MAPKAPK2: variants seen among roughly 807,000 people sequenced by gnomAD.
MAPKAPK2 encodes MAP kinase-activated protein kinase 2.
A neutral mutation model predicts 48.8 loss-of-function variants in MAPKAPK2; 9 were observed. The ratio of observed to expected loss-of-function variants is 0.18; its 90% confidence interval spans 0.11 to 0.32. The LOEUF is 0.32. Ranked by LOEUF, MAPKAPK2 falls within the 10% of genes least tolerant of loss-of-function variation. The pLI, the probability that MAPKAPK2 is intolerant of heterozygous loss-of-function variation, is 1.00. For synonymous variants in MAPKAPK2, 202 were observed against 190.6 expected (o/e 1.06, Z -0.49); for missense variants, 331 against 498.3 (o/e 0.66, Z 3.20).
At chr1:206,687,116 C>A (rs1309901108) in intron 1 of MAPKAPK2, among the ~76,000 whole-genome samples, 4 of 152,132 alleles carry the variant, frequency 2.6e-5, no homozygotes, top group Admixed American at 6.5e-5. Flanking sequence ...TGTTTGCTGT[C>A]CCCTCTGAGA....
chr1:206,689,985 C>T (rs1672406293), intron 1 of MAPKAPK2, among the ~76,000 whole-genome samples: 1 of 152,046 alleles, frequency 6.6e-6, no homozygotes, highest in Non-Finnish European at 1.5e-5. Context: ...CAGCTGGGGT[C>T]AGTGGGACAT....
At chr1:206,695,198 T>C (rs1182166440) in intron 1 of MAPKAPK2, among the ~76,000 whole-genome samples, 8 of 152,106 alleles carry the variant, frequency 5.3e-5, no homozygotes, top group Non-Finnish European at 8.8e-5. Flanking sequence ...AGGTTTGAGG[T>C]GTAACCAGAG....
At chr1:206,686,029 C>G (rs1465229800) in intron 1 of MAPKAPK2, among the ~76,000 whole-genome samples, 25 of 152,132 alleles carry the variant, frequency 1.6e-4, no homozygotes, top group African/African-American at 5.8e-4. Context: ...TTCCCCGAGC[C>G]TCGCGAGGGC....
intron 1 of MAPKAPK2, among the ~76,000 whole-genome samples, chr1:206,695,110 C>A (rs1672574428): frequency 1.3e-5 from 2 of 152,110 alleles, no homozygotes; most frequent in African/African-American, 4.8e-5. Context: ...TGCCCCCTCT[C>A]CTGGGTCTCA....
At chr1:206,714,661 A>G (rs1418244422) in intron 1 of MAPKAPK2, among the ~76,000 whole-genome samples, 1 of 148,106 alleles carries the variant, frequency 6.8e-6, no homozygotes, top group Non-Finnish European at 1.5e-5. Flanking sequence ...GCCACTCGGG[A>G]GGCTGAGGTG....
intron 1 of MAPKAPK2, among the ~76,000 whole-genome samples, chr1:206,689,406 C>T (rs1282405650): frequency 6.6e-6 from 1 of 152,196 alleles, no homozygotes; most frequent in African/African-American, 2.4e-5. Flanking sequence ...CAACACACCT[C>T]ATACTGTGTA....
intron 1 of MAPKAPK2, among the ~76,000 whole-genome samples, chr1:206,721,433 A>G (rs1292500356): frequency 6.6e-6 from 1 of 152,234 alleles, no homozygotes; most frequent in Non-Finnish European, 1.5e-5. Context: ...CTTGAGATGT[A>G]TATTTTCTTA....
chr1:206,714,007 G>C (rs1205040432), intron 1 of MAPKAPK2, among the ~76,000 whole-genome samples: 1 of 152,304 alleles, frequency 6.6e-6, no homozygotes, highest in Admixed American at 6.5e-5. Context: ...AGAGTCTGAG[G>C]ATGAGTACTC....
chr1:206,708,221 G>C (rs566852593), intron 1 of MAPKAPK2, among the ~76,000 whole-genome samples: 2 of 152,334 alleles, frequency 1.3e-5, no homozygotes, highest in East Asian at 1.9e-4. Context: ...GCAGGCCCCT[G>C]TGTTGGCTGA....
chr1:206,731,174 C>A lies in MAPKAPK2; in HGVS notation c.804C>A (p.Gly268=), dbSNP rs782428492. ...CGYPPFYSNH[G]LAISPGMKTR... ...ATCCCCCCTTCTACTCCAACCACGGCCTTGCCATCTCTCCGGGCATGAAGA... is the reference window on the plus strand; with the variant it reads ...ATCCCCCCTTCTACTCCAACCACGGACTTGCCATCTCTCCGGGCATGAAGA... The change falls in exon 7 of 10, where the codon GGC becomes GGA. Residue 268 remains glycine, a synonymous_variant. Coordinates refer to ENST00000367103, the MANE Select transcript of MAPKAPK2 (RefSeq NM_032960.4). This position sits in a 1 kb window ranked among gnomAD's most constrained non-coding sequence, Gnocchi z 5.9. 39 of 1,614,072 alleles carry A rather than the reference C, an allele frequency of 2.4e-5. No homozygotes were observed. Among genetic ancestry groups the A allele is most frequent in the Middle Eastern group, 1.6e-4 (1 of 6,084 alleles).
Position 206,732,003 on chromosome 1 carries a change from T to G in MAPKAPK2, c.1059+84T>G. 6.2e-7 allele frequency: 1 copy of G among 1,613,986 alleles called. No individual in the cohort carries two copies. The highest frequency in any genetic ancestry group is 8.5e-7 in the Non-Finnish European group (1 of 1,179,970). On this transcript the variant is annotated intron_variant, in intron 9 of 9. Transcript: ENST00000367103. The surrounding 1 kb of genome is among the most constrained non-coding windows in gnomAD (Gnocchi z 4.4). ...GCCCAGGTGTGAGGCGTGGTGCTGG[T>G]AGGGGAGAGCTTGATTCTGCCTCTC...
chr1:206,700,489 T>C (rs1469534695), intron 1 of MAPKAPK2, among the ~76,000 whole-genome samples: 1 of 152,080 alleles, frequency 6.6e-6, no homozygotes, highest in Non-Finnish European at 1.5e-5. Flanking sequence ...GTAGGTTCAG[T>C]GTGTGTCTGT....
intron 1 of MAPKAPK2, among the ~76,000 whole-genome samples, chr1:206,689,142 A>G (rs1672375881): frequency 6.6e-6 from 1 of 152,214 alleles, no homozygotes; most frequent in African/African-American, 2.4e-5. Flanking sequence ...TTTATAAAAT[A>G]TAGAATGTTG....
At chr1:206,698,263 C>T (rs1220448214) in intron 1 of MAPKAPK2, among the ~76,000 whole-genome samples, 2 of 152,232 alleles carry the variant, frequency 1.3e-5, no homozygotes, top group Non-Finnish European at 2.9e-5. Flanking sequence ...AATGGCAGAA[C>T]AGTCAAGGGT....
chr1:206,719,606 C>T (rs1454096927), intron 1 of MAPKAPK2, among the ~76,000 whole-genome samples: 8 of 152,226 alleles, frequency 5.3e-5, no homozygotes, highest in African/African-American at 1.9e-4. Flanking sequence ...GGAGAACCAT[C>T]GTCACTCCTC....
At chr1:206,710,906 C>G (rs1673121945) in intron 1 of MAPKAPK2, among the ~76,000 whole-genome samples, 2 of 152,188 alleles carry the variant, frequency 1.3e-5, no homozygotes, top group Admixed American at 1.3e-4. Flanking sequence ...CTCAGTGACT[C>G]TAATGTTTTA....
chr1:206,701,617 TGAGCCCAGGAGTTC>T (rs1672796301), intron 1 of MAPKAPK2, among the ~76,000 whole-genome samples: 2 of 152,034 alleles, frequency 1.3e-5, no homozygotes, highest in African/African-American at 4.8e-5. Flanking sequence ...GCAAATTGCT[TGAGCCCAGGAGTTC>T]GAGACCAGCC....
chr1:206,704,324 G>C lies in MAPKAPK2; in HGVS notation c.279+18816G>C, dbSNP rs1672887926. Reference sequence around the variant, plus strand: ...CCCACGGATGGAGGAGGTCGGATGGGGTCTCCCAGGGTCCCCTTGCTGGGC... The same window carrying C: ...CCCACGGATGGAGGAGGTCGGATGGCGTCTCCCAGGGTCCCCTTGCTGGGC... On this transcript the variant is annotated intron_variant, in intron 1 of 9. Transcript: ENST00000367103. This position sits in a 1 kb window ranked among gnomAD's most constrained non-coding sequence, Gnocchi z 4.3. 6.6e-6 allele frequency among the ~76,000 whole-genome samples: 1 copy of C among 152,204 alleles called. No individual in the cohort carries two copies.
At chr1:206,726,295 G>C (rs1673699671) in intron 1 of MAPKAPK2, among the ~76,000 whole-genome samples, 2 of 152,248 alleles carry the variant, frequency 1.3e-5, no homozygotes, top group Admixed American at 6.5e-5. Context: ...GCTGAAGTGG[G>C]AGAATTGTTT....
Sources: allele counts gnomAD v4.1 joint callset (sites outside exome capture counted in the v4.1 genomes callset), GRCh38; gene constraint gnomAD v4.1.1; non-coding constraint Gnocchi (gnomAD v3.1); transcripts MANE v1.5; gene names NCBI Gene and HGNC (gene_info 2026-07-23, HGNC 2026-07-21).